PLSCR5: variants seen among roughly 807,000 people sequenced by gnomAD.
The protein encoded by PLSCR5 is phospholipid scramblase family, member 5.
A neutral mutation model predicts 33.6 loss-of-function variants in PLSCR5; 44 were observed. The observed-to-expected ratio is 1.31, with a 90% CI of 1.03 to 1.69. The LOEUF (loss-of-function observed/expected upper bound fraction) is 1.69. Among genes scored for constraint, PLSCR5 ranks in the 40% most tolerant of loss-of-function variants. The pLI, the probability that PLSCR5 is intolerant of heterozygous loss-of-function variation, is 0.00. For missense variants in PLSCR5, 375 were observed against 318.7 expected (o/e 1.18, Z -1.34); for synonymous variants, 148 against 112.3 (o/e 1.32, Z -2.01).
downstream of PLSCR5, among the ~76,000 whole-genome samples, chr3:146,580,994 A>G (rs1287127388): frequency 6.6e-6 from 1 of 152,164 alleles, no homozygotes; most frequent in Admixed American, 6.5e-5. Flanking sequence ...CTAGTATTAA[A>G]CCTGCTTAAT....
intron 2 of PLSCR5, among the ~76,000 whole-genome samples, chr3:146,597,398 A>G (rs1171676527): frequency 6.6e-6 from 1 of 152,204 alleles, no homozygotes; most frequent in African/African-American, 2.4e-5. Flanking sequence ...ATGGACATCA[A>G]TTCTGACATG....
intron 1 of PLSCR5, among the ~76,000 whole-genome samples, chr3:146,600,769 T>A (rs2044807005): frequency 6.7e-6 from 1 of 149,958 alleles, no homozygotes; most frequent in Non-Finnish European, 1.5e-5. Flanking sequence ...CTTGCATATA[T>A]ATACTTACTG....
downstream of PLSCR5, among the ~76,000 whole-genome samples, chr3:146,580,949 C>T (rs990923472): frequency 1.1e-4 from 17 of 152,140 alleles, no homozygotes; most frequent in Admixed American, 2.6e-4. Flanking sequence ...ATTGTTCACT[C>T]CTTGCATTAA....
Position 146,595,047 on chromosome 3 carries a change from G to C in PLSCR5, c.226C>G (p.Leu76Val). 7.0e-7 allele frequency: 1 copy of C among 1,431,452 alleles called. No individual in the cohort carries two copies. The highest frequency in any genetic ancestry group is 9.3e-7 in the Non-Finnish European group (1 of 1,077,968). The allele number at this position is 1,431,452 out of a possible 1,614,324, so 88.7% of individuals were successfully genotyped here. Reference sequence around the variant, plus strand: ...ATATATATAATGCACTTACTTCCAAGCAGCTCCACCTGCTGGTGTATAATT... The same window carrying C: ...ATATATATAATGCACTTACTTCCAACCAGCTCCACCTGCTGGTGTATAATT... ...LIIIHQQVELLGMILGTETSN... is the reference protein window; with the variant it reads ...LIIIHQQVELVGMILGTETSN... Residue 76 changes from leucine (L) to valine (V), a missense_variant, in exon 3 of 8, where the codon CTT becomes GTT. Transcript: ENST00000443512.
At chr3:146,590,643 T>A (rs1446210894) in intron 5 of PLSCR5, among the ~76,000 whole-genome samples, 1 of 152,112 alleles carries the variant, frequency 6.6e-6, no homozygotes, top group Non-Finnish European at 1.5e-5. Context: ...TTCTATAGCA[T>A]GAATGCTAAA....
At chr3:146,594,760 T>A (rs947334892) in intron 3 of PLSCR5, among the ~76,000 whole-genome samples, 15 of 152,250 alleles carry the variant, frequency 9.9e-5, no homozygotes, top group African/African-American at 3.6e-4. Context: ...TCCACGGAAA[T>A]GATCAAATAC....
rs764923488 is a variant in PLSCR5, at chr3:146,594,091, CAAGCTGT to C, written c.275_281del (p.Asn92ArgfsTer28). On this transcript the variant is annotated frameshift_variant, in exon 4 of 8. Coordinates refer to ENST00000443512, the MANE Select transcript of PLSCR5 (RefSeq NM_001085420.2). LOFTEE classifies it high-confidence loss of function. ...CCACTGCAAAGTAAATTCTTTGTCC[CAAGCTGT>C]TTTTAATCTCATATTTGTTGGAGGT... is the stretch of plus-strand genomic sequence containing the variant. 1.2e-6 allele frequency: 2 copies of C among 1,613,674 alleles called. No individual in the cohort carries two copies. Among genetic ancestry groups the C allele is most frequent in the South Asian group, 2.2e-5 (2 of 91,086 alleles).
downstream of PLSCR5, among the ~76,000 whole-genome samples, chr3:146,581,972 A>G (rs1280201763): frequency 1.3e-5 from 2 of 152,188 alleles, no homozygotes; most frequent in African/African-American, 2.4e-5. Flanking sequence ...ATTCTAGTTG[A>G]AAAGATACCC....
intron 5 of PLSCR5, among the ~76,000 whole-genome samples, chr3:146,591,341 C>T (rs973651822): frequency 5.9e-5 from 9 of 151,978 alleles, no homozygotes; most frequent in Non-Finnish European, 1.2e-4. Flanking sequence ...AATAGCAACA[C>T]ATTTACTATT....
At chr3:146,578,380 T>G (rs561157826) in intron 7 of PLSCR5, among the ~76,000 whole-genome samples, 55 of 152,278 alleles carry the variant, frequency 3.6e-4, no homozygotes, top group African/African-American at 1.3e-3. Context: ...TATGTTACCT[T>G]TCTAAATAGA....
chr3:146,598,774 C>T (rs2044784807), intron 2 of PLSCR5, among the ~76,000 whole-genome samples: 1 of 152,180 alleles, frequency 6.6e-6, no homozygotes, highest in East Asian at 1.9e-4. Context: ...TACAGCTGAT[C>T]CTTTCTGCAG....
intron 7 of PLSCR5, among the ~76,000 whole-genome samples, chr3:146,577,822 A>G (rs186319988): frequency 3.3e-5 from 5 of 152,290 alleles, no homozygotes; most frequent in African/African-American, 9.6e-5. Flanking sequence ...TTGTATTTTC[A>G]AGATTCTGCT....
At chr3:146,584,306 T>G (rs761799597), downstream of PLSCR5, among the ~76,000 whole-genome samples, 8 of 152,170 alleles carry the variant, frequency 5.3e-5, no homozygotes, top group Non-Finnish European at 1.2e-4. Flanking sequence ...ACCAGAGTTC[T>G]TCAAGGTAAT....
chr3:146,584,514 T>G (rs2044653753), downstream of PLSCR5, among the ~76,000 whole-genome samples: 1 of 152,228 alleles, frequency 6.6e-6, no homozygotes, highest in Non-Finnish European at 1.5e-5. Context: ...TCGCACGTGA[T>G]TTTAAAATAT....
chr3:146,595,526 T>C (rs557598193), intron 2 of PLSCR5, among the ~76,000 whole-genome samples: 31 of 152,062 alleles, frequency 2.0e-4, no homozygotes, highest in Non-Finnish European at 1.5e-5. Context: ...GGTGGGAGGA[T>C]AGCTTGATCC....
intron 5 of PLSCR5, chr3:146,590,122 T>C (rs2044701856): frequency 1.1e-5 from 2 of 185,038 alleles, no homozygotes; most frequent in Admixed American, 1.2e-4. Flanking sequence ...AGCAGGTACA[T>C]AGTTCAATTG....
chr3:146,593,500 C>T (rs940419905), intron 4 of PLSCR5, among the ~76,000 whole-genome samples: 3 of 152,080 alleles, frequency 2.0e-5, no homozygotes, highest in Non-Finnish European at 4.4e-5. Flanking sequence ...TTGTGAGATT[C>T]CATACTAAAT....
intron 5 of PLSCR5, among the ~76,000 whole-genome samples, chr3:146,590,561 G>A (rs1047942648): frequency 6.6e-6 from 1 of 152,064 alleles, no homozygotes; most frequent in Non-Finnish European, 1.5e-5. Flanking sequence ...GATGCTGAAA[G>A]TAATTCAAGA....
At chr3:146,596,403 C>T (rs1253847884) in intron 2 of PLSCR5, among the ~76,000 whole-genome samples, 1 of 152,118 alleles carries the variant, frequency 6.6e-6, no homozygotes. Flanking sequence ...GTTGGCCATG[C>T]TGGTCTCAAA....
Sources: allele counts gnomAD v4.1 joint callset (sites outside exome capture counted in the v4.1 genomes callset), GRCh38; gene constraint gnomAD v4.1.1; transcripts MANE v1.5; gene names NCBI Gene and HGNC (gene_info 2026-07-23, HGNC 2026-07-21).